The following COL6A3 variants were observed in gnomAD, a reference collection of about 807,000 sequenced individuals.
COL6A3 encodes the protein collagen alpha-3(VI) chain.
A neutral mutation model predicts 274.1 loss-of-function variants in COL6A3; 137 were observed. The ratio of observed to expected loss-of-function variants is 0.50; its 90% CI spans 0.44 to 0.58. The LOEUF (loss-of-function observed/expected upper bound fraction) is 0.58, where lower values mean the gene tolerates loss of function less well. Among genes scored for constraint, COL6A3 ranks in the 20% least tolerant of loss-of-function variants. COL6A3 has a pLI of 0.00. For missense variants in COL6A3, 3,950 were observed against 4,124.9 expected (o/e 0.96, Z 1.16); for synonymous variants, 1,650 against 1,650.6 (o/e 1.00, Z 0.01).
At chr2:237,391,474 G>T (rs1013293468) in intron 3 of COL6A3, among the ~76,000 whole-genome samples, 1 of 152,010 alleles carries the variant, frequency 6.6e-6, no homozygotes, top group Non-Finnish European at 1.5e-5. Context: ...GTCAATAAAA[G>T]ATGTTCCATT....
Position 237,345,000 on chromosome 2 carries a change from G to A in COL6A3, c.7163-48C>T, listed in dbSNP as rs773429008. 6.8e-6 allele frequency: 11 copies of A among 1,614,038 alleles called. No individual in the cohort carries two copies. In the East Asian group the frequency reaches 2.2e-4, roughly 33 times the overall value. On this transcript the variant is annotated intron_variant, in intron 34 of 43. Transcript: ENST00000295550. The surrounding 1 kb of genome is among the most constrained non-coding windows in gnomAD (Gnocchi z 4.8). ...AAAGGGTGAGAGACTACTCTACCATGTGAGAATTTCGAATGTAAAAATATG... is the reference window on the plus strand; with the variant it reads ...AAAGGGTGAGAGACTACTCTACCATATGAGAATTTCGAATGTAAAAATATG...
chr2:237,354,595 C>T (rs2077276727), intron 24 of COL6A3, among the ~76,000 whole-genome samples: 1 of 152,148 alleles, frequency 6.6e-6, no homozygotes, highest in Non-Finnish European at 1.5e-5. Flanking sequence ...CCTCCCCTGC[C>T]TCGAGTTGTC....
chr2:237,394,504 G>A lies in COL6A3; in HGVS notation c.709+83C>T, dbSNP rs868064341. 2.4e-5 allele frequency: 38 copies of A among 1,574,438 alleles called. No homozygotes were observed. The East Asian group carries it at 5.1e-4, about 21-fold the overall frequency. ...CTTCCCTGGCCCACCCGCCATCCTAGCTGTTGCTTTAAGGCCAGCAGTTGC... is the reference window on the plus strand; with the variant it reads ...CTTCCCTGGCCCACCCGCCATCCTAACTGTTGCTTTAAGGCCAGCAGTTGC... On this transcript the variant is annotated intron_variant, in intron 3 of 43. Coordinates refer to ENST00000295550, the MANE Select transcript of COL6A3 (RefSeq NM_004369.4).
chr2:237,376,724 T>A (rs770579027), intron 7 of COL6A3, 48 bp downstream of exon 7: 3 of 1,582,660 alleles, frequency 1.9e-6, no homozygotes, highest in Non-Finnish European at 1.7e-6. Flanking sequence ...CCTCAACTCA[T>A]GCATTAGAGA....
Position 237,344,682 on chromosome 2 carries a change from C to T in COL6A3, c.7336G>A (p.Ala2446Thr). 1 of 1,610,416 alleles carries T rather than the reference C, an allele frequency of 6.2e-7. No homozygotes were observed. The highest frequency in any genetic ancestry group is 8.5e-7 in the Non-Finnish European group (1 of 1,177,504). The change falls in exon 36 of 44, where the codon GCT becomes ACT. Residue 2446 changes from alanine to threonine, a missense_variant. Ala to Thr is a moderately conservative substitution (Grantham distance 58). Around this residue, in one of 5 missense-constraint regions of COL6A3, gnomAD observed 1,284 missense variants for 1,349.7 expected, o/e 0.95. Transcript: ENST00000295550. This position sits in a 1 kb window ranked among gnomAD's most constrained non-coding sequence, Gnocchi z 4.8. ...ACCTCGTTGTTGTAGGTGACCACAG[C>T]CACCCGGGCCCCCCGTGGGCAGTTG... ...ESNCPRGARV[A>T]VVTYNNEVTT...
rs199707923 is a variant in COL6A3 at position 237,340,440 on chromosome 2, C to T, written c.8464+12G>A. Reference sequence around the variant, plus strand: ...CCAGGCCAGGGCACATGCTGTGCCACGCAGGACTTACTGCTGACGAAGGAT... The same window carrying T: ...CCAGGCCAGGGCACATGCTGTGCCATGCAGGACTTACTGCTGACGAAGGAT... On this transcript the variant is annotated intron_variant, in intron 38 of 43. Transcript: ENST00000295550. The T allele has an allele frequency of 3.9e-5, 62 of 1,610,004 alleles. No homozygotes were observed. The highest frequency in any genetic ancestry group is 1.8e-4 in the Middle Eastern group (1 of 5,654).
In COL6A3 at chr2:237,333,485, A is replaced by C; in HGVS notation, c.9293T>G (p.Met3098Arg). 1 of 1,614,220 alleles carries C rather than the reference A, an allele frequency of 6.2e-7. No individual in the cohort carries two copies. The highest frequency in any genetic ancestry group is 8.5e-7 in the Non-Finnish European group (1 of 1,180,034). ...GAGAGCCAATGGTTCTGTGCTCACC[A>C]TTAGATTGATGGTTGAACTAGAAGC... ...RSASSSTINL[M>R]VSTEPLALTE... is the part of the protein sequence containing the mutation. The change falls in exon 42 of 44, where the codon ATG (methionine) becomes AGG (arginine). Residue 3098 changes from methionine (M) to arginine (R), a missense_variant. Physicochemically the swap from Met to Arg is moderately conservative, Grantham distance 91 (BLOSUM62 -1). Around this residue, in one of 5 missense-constraint regions of COL6A3, gnomAD observed 1,284 missense variants for 1,349.7 expected, o/e 0.95. Transcript: ENST00000295550.
chr2:237,334,483 A>C, intron 41 of COL6A3, 143 bp downstream of exon 41: 1 of 891,788 alleles, frequency 1.1e-6, no homozygotes, highest in South Asian at 1.6e-5. Context: ...ACCCAGGCTG[A>C]GTTGTTTTGT....
chr2:237,325,983 T>A lies in COL6A3; in HGVS notation c.9329-259A>T, dbSNP rs560257462. 1.1e-5 allele frequency: 4 copies of A among 375,124 alleles called. No individual in the cohort carries two copies. In the South Asian group the frequency reaches 2.8e-4, roughly 26 times the overall value. The allele number at this position is 375,124 out of a possible 1,614,324, so 23.2% of individuals were successfully genotyped here. ...CATAAACAGCACTCAGAATCCCAAATGCTGGCAATGGTTATTGAATAATTT... is the reference window on the plus strand; with the variant it reads ...CATAAACAGCACTCAGAATCCCAAAAGCTGGCAATGGTTATTGAATAATTT... On this transcript the variant is annotated intron_variant, in intron 42 of 43. Transcript: ENST00000295550.
At chr2:237,396,644 C>T (rs2078448061) in intron 2 of COL6A3, 83 bp downstream of exon 2, 2 of 1,349,600 alleles carry the variant, frequency 1.5e-6, no homozygotes, top group Non-Finnish European at 2.1e-6. Flanking sequence ...TATCTAAGCT[C>T]TATGTCAGTG....
Position 237,364,502 on chromosome 2 carries a change from A to ACAGC in COL6A3, c.5839-75_5839-74insGCTG. Reference sequence around the variant, plus strand: ...TGCAGACTGCTGATAGAAAACTGAGAGACTCGCTGTCTCAAGCCCTTCATT... The same window carrying ACAGC: ...TGCAGACTGCTGATAGAAAACTGAGACAGCGACTCGCTGTCTCAAGCCCTTCATT... On this transcript the variant is annotated intron_variant, in intron 12 of 43. Transcript: ENST00000295550. This position sits in a 1 kb window ranked among gnomAD's most constrained non-coding sequence, Gnocchi z 4.6. The ACAGC allele has an allele frequency of 3.4e-6, 4 of 1,162,974 alleles. No homozygotes were observed. The highest frequency in any genetic ancestry group is 3.9e-6 in the Non-Finnish European group (3 of 773,418). The allele number at this position is 1,162,974 out of a possible 1,614,324, so 72.0% of individuals were successfully genotyped here.
chr2:237,380,813 G>A, intron 5 of COL6A3, 102 bp downstream of exon 5: 1 of 1,078,548 alleles, frequency 9.3e-7, no homozygotes, highest in Non-Finnish European at 1.4e-6. Flanking sequence ...TTCATCATTT[G>A]TTGTCTCTTA....
rs77941529 is a variant in COL6A3 at position 237,347,536 on chromosome 2, C to T, written c.7029+271G>A. On this transcript the variant is annotated intron_variant, in intron 31 of 43. Transcript: ENST00000295550. ...TCACCCATAATGAGATTCGAGACTG[C>T]AGGTGGGTGCTGTGCCTGGAGTGAG... Among the ~76,000 whole-genome samples the T allele has an allele frequency of 0.018, 2,803 of 152,238 alleles. 108 individuals are homozygous for T. Among genetic ancestry groups the T allele is most frequent in the African/African-American group, 0.063 (2,600 of 41,516 alleles).
At chr2:237,325,477 G>T in intron 43 of COL6A3, 83 bp downstream of exon 43, 1 of 1,399,066 alleles carries the variant, frequency 7.1e-7, no homozygotes, top group Non-Finnish European at 1.0e-6. Flanking sequence ...CATAATCATT[G>T]CACTTCTAAT....
At chr2:237,405,890 G>GA (rs1244688445) in intron 1 of COL6A3, among the ~76,000 whole-genome samples, 2 of 151,914 alleles carry the variant, frequency 1.3e-5, no homozygotes, top group Non-Finnish European at 2.9e-5. Context: ...TTTCAAATAT[G>GA]AAAAAAAGAC....
chr2:237,330,958 T>C (rs1469808908), intron 42 of COL6A3, among the ~76,000 whole-genome samples: 1 of 152,052 alleles, frequency 6.6e-6, no homozygotes, highest in East Asian at 1.9e-4. Flanking sequence ...CTATGAAAAA[T>C]ACAGATTCTT....
intron 38 of COL6A3, 88 bp downstream of exon 38, chr2:237,340,364 G>A (rs563467108): frequency 4.6e-5 from 56 of 1,223,282 alleles, no homozygotes; most frequent in South Asian, 2.7e-4. Context: ...TCAACACATC[G>A]GTTGTCTTTT....
At chr2:237,403,751 A>G (rs774209617) in intron 1 of COL6A3, among the ~76,000 whole-genome samples, 11 of 152,154 alleles carry the variant, frequency 7.2e-5, no homozygotes, top group South Asian at 2.1e-4. Flanking sequence ...GTCGCAGCAC[A>G]GCAGGGCTCA....
At chr2:237,408,690 A>G (rs1466489829) in intron 1 of COL6A3, among the ~76,000 whole-genome samples, 2 of 152,212 alleles carry the variant, frequency 1.3e-5, no homozygotes, top group African/African-American at 4.8e-5. Flanking sequence ...GGGGTTTTAC[A>G]GAAACATTTC....
Sources: allele counts gnomAD v4.1 joint callset (sites outside exome capture counted in the v4.1 genomes callset), GRCh38; gene constraint gnomAD v4.1.1; regional missense constraint gnomAD v4.1.1; non-coding constraint Gnocchi (gnomAD v3.1); transcripts MANE v1.5; gene names NCBI Gene and HGNC (gene_info 2026-07-23, HGNC 2026-07-21).